Variants in FBLIM1 observed in about 807,000 individuals in gnomAD.
FBLIM1 encodes the protein filamin-binding LIM protein 1.
In FBLIM1, 29 loss-of-function variants were observed where a neutral mutation model predicts 37.4. The observed-to-expected ratio is 0.77, with a 90% CI of 0.58 to 1.06. The LOEUF (loss-of-function observed/expected upper bound fraction) is 1.06. FBLIM1 is among the 50% of genes least tolerant of loss of function. FBLIM1 has a pLI of 0.00. For synonymous variants in FBLIM1, 193 were observed against 199.0 expected (o/e 0.97, Z 0.25); for missense variants, 449 against 505.6 (o/e 0.89, Z 1.07).
intron 1 of FBLIM1, among the ~76,000 whole-genome samples, chr1:15,762,844 G>T (rs1392771167): frequency 6.6e-6 from 1 of 152,224 alleles, no homozygotes; most frequent in Non-Finnish European, 1.5e-5. Context: ...AACTGCCCCT[G>T]GAGAGGGCCA....
Position 15,764,452 on chromosome 1 carries a change from C to T in FBLIM1, c.-210-44C>T, listed in dbSNP as rs115392222. 7.0e-3 allele frequency: 1,089 copies of T among 156,238 alleles called. 15 individuals carry two copies. The highest frequency in any genetic ancestry group is 0.024 in the African/African-American group (989 of 41,634). 9.7% of individuals were successfully genotyped at this position (156,238 alleles called of 1,614,324 possible). A position where few individuals can be genotyped will look rare whatever the true frequency, so the allele number is the denominator to read the frequency against. On this transcript the variant is annotated intron_variant, in intron 1 of 8. Transcript: ENST00000375766. ...CTCTGCCGCCGGAGCCTAGCCCTGA[C>T]GCCCTGGCAGATCCTGATCTGTTCT...
chr1:15,774,335 G>T (rs1410477842), intron 6 of FBLIM1, among the ~76,000 whole-genome samples: 2 of 152,164 alleles, frequency 1.3e-5, no homozygotes, highest in African/African-American at 4.8e-5. Flanking sequence ...TTCTCCTATA[G>T]CTCTGTGGAC....
chr1:15,759,152 G>A (rs2068543201), intron 1 of FBLIM1, among the ~76,000 whole-genome samples: 1 of 152,262 alleles, frequency 6.6e-6, no homozygotes, highest in South Asian at 2.1e-4. Context: ...CAGGGCGGAA[G>A]CTCCCGCACA....
Position 15,768,605 on chromosome 1 carries a change from A to T in FBLIM1, c.516A>T (p.Glu172Asp), listed in dbSNP as rs763288094. The change falls in exon 5 of 9, where the codon GAA becomes GAT. Residue 172 changes from glutamate (E) to aspartate (D), a missense_variant. Glu to Asp is a conservative substitution (Grantham distance 45). Coordinates refer to ENST00000375766, the MANE Select transcript of FBLIM1 (RefSeq NM_017556.4). Reference protein sequence around the residue: ...MEEELPPPPAEPVEKGASTDI... With the variant: ...MEEELPPPPADPVEKGASTDI... ...AAGAGCTGCCACCTCCCCCGGCAGA[A>T]CCTGTTGAGAAAGGGGCATCCACAG... The T allele has an allele frequency of 6.2e-7, 1 of 1,611,884 alleles. No individual in the cohort carries two copies. The highest frequency in any genetic ancestry group is 8.5e-7 in the Non-Finnish European group (1 of 1,179,484).
intron 8 of FBLIM1, among the ~76,000 whole-genome samples, chr1:15,783,139 G>T (rs2148663850): frequency 6.6e-6 from 1 of 152,180 alleles, no homozygotes; most frequent in African/African-American, 2.4e-5. Context: ...TCCAAAGGGT[G>T]CCCAGAACCA....
At position 15,768,623 on chromosome 1, in the gene FBLIM1, A is replaced by C; in HGVS notation, c.534A>C (p.Ala178=). ...PPPAEPVEKG[A]STDICAFCHK... ...CGGCAGAACCTGTTGAGAAAGGGGCATCCACAGGTAGGTGCACAGGGCTGA... is the reference window on the plus strand; with the variant it reads ...CGGCAGAACCTGTTGAGAAAGGGGCCTCCACAGGTAGGTGCACAGGGCTGA... The change falls in exon 5 of 9, where the codon GCA becomes GCC. Residue 178 remains alanine (A), a synonymous_variant. Transcript: ENST00000375766. 1.9e-6 allele frequency: 3 copies of C among 1,610,458 alleles called. No homozygotes were observed. Among genetic ancestry groups the C allele is most frequent in the Non-Finnish European group, 2.5e-6 (3 of 1,178,772 alleles).
intron 6 of FBLIM1, among the ~76,000 whole-genome samples, chr1:15,772,206 G>A (rs1028545136): frequency 2.0e-5 from 3 of 152,168 alleles, no homozygotes; most frequent in African/African-American, 7.2e-5. Flanking sequence ...GATTTGAAGG[G>A]TTAGAGTATT....
intron 8 of FBLIM1, among the ~76,000 whole-genome samples, chr1:15,783,427 C>T (rs2069692623): frequency 1.3e-5 from 2 of 152,048 alleles, no homozygotes; most frequent in Non-Finnish European, 2.9e-5. Flanking sequence ...GGGCAGAGCC[C>T]ACTCCTCCCT....
chr1:15,767,182 C>T (rs897241813), intron 3 of FBLIM1, among the ~76,000 whole-genome samples, 194 bp from the exon 4 acceptor site: 16 of 151,924 alleles, frequency 1.1e-4, no homozygotes, highest in Non-Finnish European at 1.0e-4. Context: ...CATGAGCCAC[C>T]GTGCCTGGCC....
rs1454344203 is a variant in FBLIM1, at chr1:15,784,552, G to T, written c.1013G>T (p.Cys338Phe). Residue 338 changes from cysteine (C) to phenylalanine (F), a missense_variant, in exon 9 of 9, where the codon TGC (cysteine) becomes TTC (phenylalanine). By Grantham distance (205) the Cys-to-Phe change is radical (BLOSUM62 -2). Coordinates refer to ENST00000375766, the MANE Select transcript of FBLIM1 (RefSeq NM_017556.4). ...FHENCYRCED[C>F]RILLSVEPTD... ...CATGTGTCTTTGTCTCCCCAGGACT[G>T]CAGGATCCTCCTGTCTGTCGAGCCC... 1.9e-6 allele frequency: 3 copies of T among 1,613,632 alleles called. No homozygotes were observed. Among genetic ancestry groups the T allele is most frequent in the Non-Finnish European group, 8.5e-7 (1 of 1,179,648 alleles).
intron 8 of FBLIM1, among the ~76,000 whole-genome samples, chr1:15,782,575 T>G (rs889127158): frequency 6.6e-6 from 1 of 151,890 alleles, no homozygotes. Flanking sequence ...TGGTTCTAAT[T>G]TAGGAGGGGT....
chr1:15,759,887 T>G (rs1229287219), intron 1 of FBLIM1, among the ~76,000 whole-genome samples: 1 of 152,192 alleles, frequency 6.6e-6, no homozygotes, highest in Non-Finnish European at 1.5e-5. Context: ...TCTGCCTAAA[T>G]TTAATTCCGT....
At chr1:15,760,171 C>G (rs775244515) in intron 1 of FBLIM1, among the ~76,000 whole-genome samples, 1 of 151,826 alleles carries the variant, frequency 6.6e-6, no homozygotes, top group Non-Finnish European at 1.5e-5. Context: ...TGCAGTGAGC[C>G]GAGATCGCAC....
intron 3 of FBLIM1, 25 bp from the exon 4 acceptor site, chr1:15,767,351 A>G (rs1414724927): frequency 3.2e-6 from 5 of 1,539,088 alleles, no homozygotes; most frequent in Non-Finnish European, 4.4e-6. Context: ...GGCTCTGACC[A>G]GCCCTCTCTC....
intron 6 of FBLIM1, among the ~76,000 whole-genome samples, chr1:15,774,392 C>G (rs1012415876): frequency 6.6e-6 from 1 of 152,194 alleles, no homozygotes; most frequent in African/African-American, 2.4e-5. Context: ...GCCATAGCAT[C>G]AGGGCATCAG....
In FBLIM1 at chr1:15,768,378, G is replaced by C. The variant is rs76227985; in HGVS notation, c.439-150G>C. On this transcript the variant is annotated intron_variant, in intron 4 of 8. Transcript: ENST00000375766. ...GCTGCCACTGTGACCTTCCTGCTGAGAGACTTACGCAGGTCCCTTGCTTCC... is the reference window on the plus strand; with the variant it reads ...GCTGCCACTGTGACCTTCCTGCTGACAGACTTACGCAGGTCCCTTGCTTCC... 5,740 of 505,028 alleles carry C rather than the reference G, an allele frequency of 0.011. 266 individuals are homozygous for C. Among genetic ancestry groups the C allele is most frequent in the African/African-American group, 0.1 (5,036 of 50,154 alleles). 31.3% of individuals were successfully genotyped at this position (505,028 alleles called of 1,614,324 possible).
At position 15,774,642 on chromosome 1, in the gene FBLIM1, T is replaced by G; in HGVS notation, c.736T>G (p.Cys246Gly). 1 of 1,613,662 alleles carries G rather than the reference T, an allele frequency of 6.2e-7. No individual in the cohort carries two copies. Among genetic ancestry groups the G allele is most frequent in the Non-Finnish European group, 8.5e-7 (1 of 1,179,882 alleles). Reference protein sequence around the residue: ...YQDTLERCGKCGEVVRDHIIR... With the variant: ...YQDTLERCGKGGEVVRDHIIR... The stretch of plus-strand genomic sequence containing the variant: ...GGACACACTGGAGAGGTGCGGCAAG[T>G]GTGGCGAGGTGGTCCGGGACCACAT... Residue 246 changes from cysteine (C) to glycine (G), a missense_variant, in exon 7 of 9, where the codon TGT (cysteine) becomes GGT (glycine). Physicochemically the swap from Cys to Gly is radical, Grantham distance 159. Transcript: ENST00000375766.
intron 6 of FBLIM1, among the ~76,000 whole-genome samples, chr1:15,771,731 C>G (rs1251717477): frequency 1.3e-5 from 2 of 151,940 alleles, no homozygotes; most frequent in Non-Finnish European, 2.9e-5. Context: ...CTTAGCTCAT[C>G]CCATCTGAAA....
chr1:15,783,356 C>T (rs2069691433), intron 8 of FBLIM1, among the ~76,000 whole-genome samples: 1 of 152,000 alleles, frequency 6.6e-6, no homozygotes, highest in Non-Finnish European at 1.5e-5. Flanking sequence ...CAGAAAGGCC[C>T]CTGGAGCCAG....
Sources: allele counts gnomAD v4.1 joint callset (sites outside exome capture counted in the v4.1 genomes callset), GRCh38; gene constraint gnomAD v4.1.1; transcripts MANE v1.5; gene names NCBI Gene and HGNC (gene_info 2026-07-23, HGNC 2026-07-21).